Variants in TCFL5 observed in about 807,000 individuals in gnomAD.
The protein encoded by TCFL5 is transcription factor like 5.
Under a neutral mutation model 44.3 loss-of-function variants are expected in TCFL5, and 9 were observed. That is an observed-to-expected ratio of 0.20 (90% confidence interval 0.12 to 0.35). The LOEUF (loss-of-function observed/expected upper bound fraction) is 0.35. Among genes scored for constraint, TCFL5 ranks in the 10% least tolerant of loss-of-function variants. The pLI, the probability that TCFL5 is intolerant of heterozygous loss-of-function variation, is 1.00. For synonymous variants in TCFL5, 319 were observed against 271.6 expected, an observed-to-expected ratio of 1.17 and a Z score of -1.72; for missense variants, 603 against 613.4, an observed-to-expected ratio of 0.98 and a Z score of 0.18.
At chr20:62,851,126 C>T (rs893319885) in intron 5 of TCFL5, among the ~76,000 whole-genome samples, 1 of 152,144 alleles carries the variant, frequency 6.6e-6, no homozygotes, top group Non-Finnish European at 1.5e-5. Flanking sequence ...TCTTCAAGGA[C>T]AAAAATATGC....
At chr20:62,851,989 G>C (rs897357821) in intron 5 of TCFL5, 53 of 844,602 alleles carry the variant, frequency 6.3e-5, no homozygotes, top group Non-Finnish European at 7.4e-5. Context: ...ATTTTTAATA[G>C]AGACGGGGGT....
chr20:62,857,749 G>C (rs4809262), intron 3 of TCFL5, 111 bp from the exon 4 acceptor site: 219,780 of 1,323,166 alleles, frequency 0.17, 20,327 homozygotes, highest in Non-Finnish European at 0.19. Flanking sequence ...TGGGTAAGCA[G>C]CACAGAGAAC....
intron 5 of TCFL5, chr20:62,845,429 C>G: frequency 7.9e-7 from 1 of 1,262,666 alleles, no homozygotes; most frequent in Non-Finnish European, 1.0e-6. Flanking sequence ...AGCTTCTTCC[C>G]AAATTTTAAA....
At position 62,841,722 on chromosome 20, in the gene TCFL5, A is replaced by G; in HGVS notation, c.*253T>C. On this transcript the variant is annotated 3_prime_UTR_variant, in exon 6 of 6. Coordinates refer to ENST00000335351, the MANE Select transcript of TCFL5 (RefSeq NM_006602.4). ...ATTGAGAAAATGCTTACTAATTATT[A>G]CTAATTAATTATTACTAATTATTAA... is the stretch of plus-strand genomic sequence containing the variant. The G allele has an allele frequency of 3.4e-6, 1 of 291,026 alleles. No individual in the cohort carries two copies. The highest frequency in any genetic ancestry group is 6.2e-5 in the East Asian group (1 of 16,170). The allele number at this position is 291,026 out of a possible 1,614,324, so 18.0% of individuals were successfully genotyped here.
chr20:62,860,956 G>A (rs1254022458), intron 1 of TCFL5, 68 bp downstream of exon 1: 3 of 820,050 alleles, frequency 3.7e-6, no homozygotes, highest in Non-Finnish European at 2.8e-6. Flanking sequence ...CTTTGCCTCC[G>A]CCCCGGCCCC....
At chr20:62,857,041 C>CT (rs1385334689) in intron 4 of TCFL5, among the ~76,000 whole-genome samples, 19 of 152,314 alleles carry the variant, frequency 1.2e-4, no homozygotes, top group Admixed American at 1.2e-3. Flanking sequence ...GACCACATGG[C>CT]TGGGGGCATG....
At chr20:62,855,790 AAATAAATT>A (rs1429593633) in intron 4 of TCFL5, among the ~76,000 whole-genome samples, 3 of 152,118 alleles carry the variant, frequency 2.0e-5, no homozygotes, top group African/African-American at 7.2e-5. Flanking sequence ...ATAAATAAAT[AAATAAATT>A]GCCTTAGCTC....
At chr20:62,855,006 G>A (rs1439517417) in intron 4 of TCFL5, among the ~76,000 whole-genome samples, 1 of 152,172 alleles carries the variant, frequency 6.6e-6, no homozygotes, top group Non-Finnish European at 1.5e-5. Context: ...AACTGTCAAC[G>A]TACGGTGTAA....
At chr20:62,847,367 G>A (rs1011298206) in intron 5 of TCFL5, among the ~76,000 whole-genome samples, 1 of 152,000 alleles carries the variant, frequency 6.6e-6, no homozygotes, top group African/African-American at 2.4e-5. Context: ...CTTCAAGAAG[G>A]AAATAATAGA....
intron 5 of TCFL5, chr20:62,851,944 G>A (rs763430286): frequency 2.6e-6 from 2 of 777,712 alleles, no homozygotes; most frequent in African/African-American, 1.9e-5. Flanking sequence ...GAGTAGCTGG[G>A]ACTACAGGCG....
chr20:62,861,318 G>C lies in TCFL5; in HGVS notation c.353C>G (p.Ala118Gly), dbSNP rs749990699. 4 of 1,154,440 alleles carry C rather than the reference G, an allele frequency of 3.5e-6. No individual in the cohort carries two copies. The South Asian group carries it at 8.8e-5, about 25-fold the overall frequency. The allele number at this position is 1,154,440 out of a possible 1,614,324, so 71.5% of individuals were successfully genotyped here. ...GAAGTCGATGTGGCCCAGGCAGGGC[G>C]CGTCGGCCGCCAGCGCGGACGGGCA... is the stretch of plus-strand genomic sequence containing the variant. ...VLCPSALAAD[A>G]PCLGHIDFQE... The change falls in exon 1 of 6, where the codon GCG becomes GGG. Residue 118 changes from alanine to glycine, a missense_variant. This residue lies in a region of TCFL5 where 540 missense variants were observed against 478.7 expected (regional missense o/e 1.13). Transcript: ENST00000335351. This position sits in a 1 kb window ranked among gnomAD's most constrained non-coding sequence, Gnocchi z 4.0.
In TCFL5 at chr20:62,861,374, C is replaced by A; in HGVS notation, c.297G>T (p.Gln99His). 5 of 1,072,282 alleles carry A rather than the reference C, an allele frequency of 4.7e-6. No individual in the cohort carries two copies. Among genetic ancestry groups the A allele is most frequent in the Non-Finnish European group, 5.6e-6 (5 of 890,124 alleles). 66.4% of individuals were successfully genotyped at this position (1,072,282 alleles called of 1,614,324 possible). ...CGGGGTACACGGGCGCCGCGCCCCCCTGACCGCCCGCCGCGAAGCCGCCCG... is the reference window on the plus strand; with the variant it reads ...CGGGGTACACGGGCGCCGCGCCCCCATGACCGCCCGCCGCGAAGCCGCCCG... ...AGAGGFAAGGQGGAAPVYPVL... is the reference protein window; with the variant it reads ...AGAGGFAAGGHGGAAPVYPVL... Residue 99 changes from glutamine (Q) to histidine (H), a missense_variant, in exon 1 of 6, where the codon CAG becomes CAT. Gln to His is a conservative substitution (Grantham distance 24). Coordinates refer to ENST00000335351, the MANE Select transcript of TCFL5 (RefSeq NM_006602.4). The surrounding 1 kb of genome is among the most constrained non-coding windows in gnomAD (Gnocchi z 4.0).
At position 62,859,344 on chromosome 20, in the gene TCFL5, C is replaced by T. The variant is rs2063948482; in HGVS notation, c.994+20G>A. 2.5e-6 allele frequency: 4 copies of T among 1,597,826 alleles called. No individual in the cohort carries two copies. In the South Asian group the frequency reaches 3.3e-5, roughly 13 times the overall value. On this transcript the variant is annotated intron_variant, in intron 3 of 5. Transcript: ENST00000335351. ...CTCAGTCAGAAGAAAGCTCCCACTA[C>T]CTGCTGCTTCATCGCTTACCTCCCA...
rs909812180 is a variant in TCFL5 at position 62,842,381 on chromosome 20, T to C, written c.1381-284A>G. ...GTATTGATTTTATTGTGGTAAAATA[T>C]ACATGACATGAACGTTTCAACCGCT... On this transcript the variant is annotated intron_variant, in intron 5 of 5. Transcript: ENST00000335351. The surrounding 1 kb of genome is among the most constrained non-coding windows in gnomAD (Gnocchi z 4.3). Among the ~76,000 whole-genome samples the C allele has an allele frequency of 6.6e-6, 1 of 152,206 alleles. No homozygotes were observed. Among genetic ancestry groups the C allele is most frequent in the Non-Finnish European group, 1.5e-5 (1 of 68,036 alleles).
chr20:62,860,808 G>C (rs200962111), intron 1 of TCFL5, among the ~76,000 whole-genome samples: 1 of 152,202 alleles, frequency 6.6e-6, no homozygotes, highest in Non-Finnish European at 1.5e-5. Context: ...TGAGGGAGGG[G>C]GTGTTTAGTT....
At chr20:62,858,493 G>A (rs1197333526) in intron 3 of TCFL5, among the ~76,000 whole-genome samples, 2 of 151,860 alleles carry the variant, frequency 1.3e-5, no homozygotes, top group Non-Finnish European at 3.0e-5. Context: ...TTTATAGGGA[G>A]GAAAAGGAAG....
At chr20:62,848,218 G>A (rs2063767859) in intron 5 of TCFL5, among the ~76,000 whole-genome samples, 1 of 152,228 alleles carries the variant, frequency 6.6e-6, no homozygotes, top group South Asian at 2.1e-4. Context: ...ACCTGCTGGT[G>A]TGAAGAAGGG....
At chr20:62,848,004 G>A (rs908541739) in intron 5 of TCFL5, among the ~76,000 whole-genome samples, 7 of 152,240 alleles carry the variant, frequency 4.6e-5, no homozygotes, top group African/African-American at 1.7e-4. Flanking sequence ...CAGAGAAATG[G>A]GCGGTTGCCA....
intron 5 of TCFL5, among the ~76,000 whole-genome samples, chr20:62,853,335 T>C (rs1174787898): frequency 6.6e-6 from 1 of 151,830 alleles, no homozygotes; most frequent in African/African-American, 2.4e-5. Flanking sequence ...GCATTTTTGT[T>C]TCTCTTTCTT....
Sources: allele counts gnomAD v4.1 joint callset (sites outside exome capture counted in the v4.1 genomes callset), GRCh38; gene constraint gnomAD v4.1.1; regional missense constraint gnomAD v4.1.1; non-coding constraint Gnocchi (gnomAD v3.1); transcripts MANE v1.5; gene names NCBI Gene and HGNC (gene_info 2026-07-23, HGNC 2026-07-21).